The following ENPEP variants were observed in gnomAD, a reference collection of about 807,000 sequenced individuals.
The protein encoded by ENPEP is AP-A.
ENPEP carries 103 observed loss-of-function variants against 114.5 expected under a neutral mutation model. The observed-to-expected ratio is 0.90, with a 90% CI of 0.77 to 1.06. ENPEP has a LOEUF of 1.06. ENPEP is among the 50% of genes least tolerant of loss of function. ENPEP has a pLI of 0.00. For missense variants in ENPEP, 1,196 were observed against 1,161.3 expected (o/e 1.03, Z -0.43); for synonymous variants, 420 against 422.0 (o/e 1.00, Z 0.06).
At chr4:110,515,267 A>C in intron 7 of ENPEP, 110 bp from the exon 8 acceptor site, 1 of 876,246 alleles carries the variant, frequency 1.1e-6, no homozygotes, top group Middle Eastern at 2.4e-4. Flanking sequence ...CATCTTGAGG[A>C]ACTAATCTCA....
chr4:110,518,359 C>T (rs1725858542), intron 8 of ENPEP, among the ~76,000 whole-genome samples: 1 of 152,072 alleles, frequency 6.6e-6, no homozygotes, highest in Non-Finnish European at 1.5e-5. Flanking sequence ...TGTCTTTTCC[C>T]TTCTTGGGAT....
Position 110,476,994 on chromosome 4 carries a change from G to A in ENPEP, c.580G>A (p.Gly194Ser). 1 of 1,614,156 alleles carries A rather than the reference G, an allele frequency of 6.2e-7. No homozygotes were observed. The highest frequency in any genetic ancestry group is 8.5e-7 in the Non-Finnish European group (1 of 1,180,028). ...GLYLLTMEFA[G>S]WLNGSLVGFY... The stretch of plus-strand genomic sequence containing the variant: ...GTATCTCCTGACCATGGAGTTCGCC[G>A]GCTGGCTGAACGGCTCCCTCGTGGG... Residue 194 changes from glycine (G) to serine (S), a missense_variant, in exon 1 of 20, where the codon GGC becomes AGC. Coordinates refer to ENST00000265162, the MANE Select transcript of ENPEP (RefSeq NM_001977.4).
rs1361740383 is a variant in ENPEP, at chr4:110,491,132, T to C, written c.886T>C (p.Ser296Pro). Residue 296 changes from serine to proline, a missense_variant, in exon 3 of 20, where the codon TCT (serine) becomes CCT (proline). Coordinates refer to ENST00000265162, the MANE Select transcript of ENPEP (RefSeq NM_001977.4). ...GTGCTTTGCTGTACATCAATTTGAC[T>C]CTGTAAAGAGAATATCAAATAGTGG... is the stretch of plus-strand genomic sequence containing the variant. Reference protein sequence around the residue: ...LVCFAVHQFDSVKRISNSGKP... With the variant: ...LVCFAVHQFDPVKRISNSGKP... The C allele has an allele frequency of 6.2e-7, 1 of 1,611,252 alleles. No homozygotes were observed. The highest frequency in any genetic ancestry group is 8.5e-7 in the Non-Finnish European group (1 of 1,179,742).
At position 110,559,669 on chromosome 4, in the gene ENPEP, C is replaced by A; in HGVS notation, c.2665C>A (p.Leu889Ile). Residue 889 changes from leucine to isoleucine, a missense_variant, in exon 19 of 20, where the codon CTT (leucine) becomes ATT (isoleucine). By Grantham distance (5) the Leu-to-Ile change is conservative. Coordinates refer to ENST00000265162, the MANE Select transcript of ENPEP (RefSeq NM_001977.4). Reference protein sequence around the residue: ...VNRYTLNNRNLGRIVTIAEPF... With the variant: ...VNRYTLNNRNIGRIVTIAEPF... ...CAGATATACACTCAATAACAGAAAC[C>A]TTGGCCGAATTGTCACAATAGCAGA... The A allele has an allele frequency of 6.2e-7, 1 of 1,613,706 alleles. No homozygotes were observed. The highest frequency in any genetic ancestry group is 1.1e-5 in the South Asian group (1 of 91,060).
intron 11 of ENPEP, chr4:110,533,038 G>A: frequency 2.3e-6 from 1 of 444,204 alleles, no homozygotes; most frequent in South Asian, 1.6e-5. Flanking sequence ...GGTTTTCAGT[G>A]GATTTGGTTT....
intron 14 of ENPEP, among the ~76,000 whole-genome samples, 163 bp from the exon 15 acceptor site, chr4:110,549,183 G>T (rs547119271): frequency 6.6e-6 from 1 of 152,130 alleles, no homozygotes; most frequent in East Asian, 1.9e-4. Context: ...GAAAAAAATT[G>T]CAATGTGATA....
rs148109271 is a variant in ENPEP at position 110,517,189 on chromosome 4, C to G, written c.1509+1747C>G. On this transcript the variant is annotated intron_variant, in intron 8 of 19. Coordinates refer to ENST00000265162, the MANE Select transcript of ENPEP (RefSeq NM_001977.4). ...TTGTGAGCTCAAGAGATCCGCCCGC[C>G]TCGGCCTCCCAAAGTGCTGGGATTA... 5.0e-3 allele frequency among the ~76,000 whole-genome samples: 760 copies of G among 152,216 alleles called. 4 individuals carry two copies. The highest frequency in any genetic ancestry group is 0.018 in the African/African-American group (736 of 41,512).
chr4:110,519,885 G>A, intron 8 of ENPEP, 123 bp from the exon 9 acceptor site: 3 of 719,114 alleles, frequency 4.2e-6, no homozygotes, highest in Non-Finnish European at 7.2e-6. Context: ...TCATGTACAT[G>A]TTATCTATGG....
At chr4:110,489,833 C>T (rs746000147) in intron 2 of ENPEP, among the ~76,000 whole-genome samples, 10 of 152,136 alleles carry the variant, frequency 6.6e-5, no homozygotes, top group Non-Finnish European at 1.2e-4. Flanking sequence ...TCCCATCTTT[C>T]TGATCCACTA....
Position 110,542,763 on chromosome 4 carries a change from A to G in ENPEP, c.1820A>G (p.Asn607Ser). Reference protein sequence around the residue: ...NRSEKEGITLNSSNPSGNAFL... With the variant: ...NRSEKEGITLSSSNPSGNAFL... ...TTTACTACTACAGGAATCACTTTGA[A>G]CTCCTCTAATCCTAGTGGAAATGCT... The change falls in exon 12 of 20, where the codon AAC becomes AGC. Residue 607 changes from asparagine to serine, a missense_variant. Coordinates refer to ENST00000265162, the MANE Select transcript of ENPEP (RefSeq NM_001977.4). The G allele has an allele frequency of 7.4e-6, 12 of 1,611,366 alleles. No homozygotes were observed. Among genetic ancestry groups the G allele is most frequent in the Non-Finnish European group, 1.0e-5 (12 of 1,178,404 alleles).
chr4:110,525,376 C>A (rs1011867309), intron 10 of ENPEP, among the ~76,000 whole-genome samples: 3 of 152,174 alleles, frequency 2.0e-5, no homozygotes, highest in Admixed American at 2.0e-4. Flanking sequence ...GGCAGCGTAG[C>A]ACATCACTAG....
At chr4:110,501,443 C>T (rs1725153820) in intron 3 of ENPEP, among the ~76,000 whole-genome samples, 2 of 152,150 alleles carry the variant, frequency 1.3e-5, no homozygotes, top group Admixed American at 6.5e-5. Flanking sequence ...TCCCTCTCTA[C>T]TTTCAAGTAG....
intron 2 of ENPEP, among the ~76,000 whole-genome samples, chr4:110,490,061 A>G (rs1360184173): frequency 2.0e-5 from 3 of 152,184 alleles, no homozygotes; most frequent in African/African-American, 7.2e-5. Context: ...ACACCAATCT[A>G]GATGAAGGTG....
chr4:110,502,528 G>T (rs1026125197), intron 3 of ENPEP, among the ~76,000 whole-genome samples: 1 of 152,178 alleles, frequency 6.6e-6, no homozygotes, highest in African/African-American at 2.4e-5. Context: ...ATTGAATAGA[G>T]AGTCTTATCC....
Position 110,559,661 on chromosome 4 carries a change from A to T in ENPEP, c.2657A>T (p.Asn886Ile). Residue 886 changes from asparagine to isoleucine, a missense_variant, in exon 19 of 20, where the codon AAC (asparagine) becomes ATC (isoleucine). Coordinates refer to ENST00000265162, the MANE Select transcript of ENPEP (RefSeq NM_001977.4). Reference sequence around the variant, plus strand: ...TTTCTCTCCAGATATACACTCAATAACAGAAACCTTGGCCGAATTGTCACA... The same window carrying T: ...TTTCTCTCCAGATATACACTCAATATCAGAAACCTTGGCCGAATTGTCACA... ...DYLVNRYTLN[N>I]RNLGRIVTIA... The T allele has an allele frequency of 6.2e-7, 1 of 1,613,352 alleles. No individual in the cohort carries two copies. Among genetic ancestry groups the T allele is most frequent in the Non-Finnish European group, 8.5e-7 (1 of 1,179,294 alleles).
intron 10 of ENPEP, among the ~76,000 whole-genome samples, chr4:110,527,215 A>G (rs2110370067): frequency 6.6e-6 from 1 of 152,296 alleles, no homozygotes; most frequent in Non-Finnish European, 1.5e-5. Context: ...GCTGCTTCCA[A>G]GATGCCAGTT....
rs1725925298 is a variant in ENPEP, at chr4:110,520,041, A to G, written c.1543A>G (p.Lys515Glu). The change falls in exon 9 of 20, where the codon AAA becomes GAA. Residue 515 changes from lysine to glutamate, a missense_variant. By Grantham distance (56) the Lys-to-Glu change is moderately conservative. Transcript: ENST00000265162. ...YLEKYQFKNA[K>E]TSDFWAALEE... Reference sequence around the variant, plus strand: ...GGAAAAATACCAATTCAAGAATGCAAAAACTTCTGATTTTTGGGCAGCACT... The same window carrying G: ...GGAAAAATACCAATTCAAGAATGCAGAAACTTCTGATTTTTGGGCAGCACT... 6.2e-7 allele frequency: 1 copy of G among 1,614,048 alleles called. No individual in the cohort carries two copies. Among genetic ancestry groups the G allele is most frequent in the Non-Finnish European group, 8.5e-7 (1 of 1,179,932 alleles).
At chr4:110,515,902 G>C (rs1348556318) in intron 8 of ENPEP, 1 of 438,578 alleles carries the variant, frequency 2.3e-6, no homozygotes, top group Admixed American at 2.4e-5. Flanking sequence ...GAGAGAGGGA[G>C]AGAGAGAGAG....
intron 11 of ENPEP, among the ~76,000 whole-genome samples, chr4:110,533,765 T>C (rs1005728265): frequency 1.3e-5 from 2 of 152,236 alleles, no homozygotes; most frequent in African/African-American, 4.8e-5. Context: ...TTTTTTGTTC[T>C]AACTATTGAC....
Sources: gnomAD v4.1 joint callset for allele counts (sites outside exome capture counted in the v4.1 genomes callset) on GRCh38, gnomAD v4.1.1 for gene constraint, MANE v1.5 for transcripts, NCBI Gene and HGNC (gene_info 2026-07-23, HGNC 2026-07-21) for gene names.